The following CNTLN variants were observed in gnomAD, a reference collection of about 807,000 sequenced individuals.
The protein encoded by CNTLN is centlein, also known as centlein, centrosomal protein.
In CNTLN, 212 loss-of-function variants were observed where a neutral mutation model predicts 180.0. That is an observed-to-expected ratio of 1.18 (90% CI 1.05 to 1.32). The LOEUF (loss-of-function observed/expected upper bound fraction) is 1.32. Among genes scored for constraint, CNTLN ranks in the 40% most tolerant of loss-of-function variants. The pLI, the probability that CNTLN is intolerant of heterozygous loss-of-function variation, is 0.00. For synonymous variants in CNTLN, 722 were observed against 563.1 expected (o/e 1.28, Z -3.99); for missense variants, 2,095 against 1,610.9 (o/e 1.30, Z -5.14).
intron 18 of CNTLN, among the ~76,000 whole-genome samples, chr9:17,454,498 A>C (rs908468345): frequency 2.0e-5 from 3 of 152,220 alleles, no homozygotes; most frequent in Non-Finnish European, 4.4e-5. Flanking sequence ...ACTATGACTT[A>C]AGACGAGCTA....
intron 6 of CNTLN, among the ~76,000 whole-genome samples, chr9:17,285,412 C>A (rs1828923325): frequency 6.7e-6 from 1 of 148,712 alleles, no homozygotes; most frequent in Non-Finnish European, 1.5e-5. Context: ...CATTGTTGGA[C>A]ATTTGGGTTG....
chr9:17,308,002 A>ACG (rs1478984710), intron 7 of CNTLN, among the ~76,000 whole-genome samples: 1 of 151,572 alleles, frequency 6.6e-6, no homozygotes, highest in African/African-American at 2.4e-5. Flanking sequence ...ACACACACAC[A>ACG]CACACACACA....
chr9:17,171,367 C>A (rs1161056358), intron 2 of CNTLN, among the ~76,000 whole-genome samples: 3 of 151,854 alleles, frequency 2.0e-5, no homozygotes, highest in East Asian at 3.9e-4. Context: ...GATGAGGTGC[C>A]ATGGTTCCAA....
At chr9:17,285,024 T>G (rs948468078) in intron 6 of CNTLN, among the ~76,000 whole-genome samples, 1 of 151,760 alleles carries the variant, frequency 6.6e-6, no homozygotes, top group Non-Finnish European at 1.5e-5. Flanking sequence ...TTAATTATAC[T>G]TTAAGTTTTA....
intron 7 of CNTLN, among the ~76,000 whole-genome samples, chr9:17,308,732 A>G (rs1171749598): frequency 6.6e-6 from 1 of 151,810 alleles, no homozygotes; most frequent in Non-Finnish European, 1.5e-5. Context: ...TGATTAATAC[A>G]GCTAGCTTAA....
At chr9:17,293,147 C>T (rs146343250) in intron 6 of CNTLN, among the ~76,000 whole-genome samples, 3 of 152,210 alleles carry the variant, frequency 2.0e-5, no homozygotes, top group African/African-American at 7.2e-5. Context: ...GCTACTTCCT[C>T]TGGCTGGGAT....
chr9:17,398,260 T>C (rs369292855), intron 15 of CNTLN, among the ~76,000 whole-genome samples: 5 of 152,178 alleles, frequency 3.3e-5, no homozygotes, highest in Admixed American at 6.6e-5. Context: ...CTCGTTGCCT[T>C]ATGCTAGAAG....
chr9:17,439,739 AATTAGTTAGGGTTAC>A (rs1829996723), intron 18 of CNTLN, among the ~76,000 whole-genome samples: 1 of 152,174 alleles, frequency 6.6e-6, no homozygotes, highest in Non-Finnish European at 1.5e-5. Flanking sequence ...AGCCTTTGAG[AATTAGTTAGGGTTAC>A]ATTAGTTCAT....
intron 6 of CNTLN, among the ~76,000 whole-genome samples, chr9:17,291,633 C>CT (rs1207869204): frequency 6.6e-6 from 1 of 152,122 alleles, no homozygotes; most frequent in Admixed American, 6.5e-5. Context: ...GCAGCCCCTG[C>CT]TTTTTTCTGC....
intron 18 of CNTLN, among the ~76,000 whole-genome samples, chr9:17,451,641 C>T (rs904574847): frequency 3.3e-5 from 5 of 152,134 alleles, no homozygotes; most frequent in Non-Finnish European, 5.9e-5. Flanking sequence ...AGCGTCTCAC[C>T]GTTGCTCCAG....
chr9:17,315,306 A>G (rs914284263), intron 8 of CNTLN, among the ~76,000 whole-genome samples: 16 of 152,220 alleles, frequency 1.1e-4, no homozygotes, highest in African/African-American at 3.8e-4. Flanking sequence ...TAAAGATGAT[A>G]TATGTTGTTT....
intron 12 of CNTLN, among the ~76,000 whole-genome samples, chr9:17,345,779 A>T (rs558626366): frequency 6.6e-6 from 1 of 152,108 alleles, no homozygotes; most frequent in African/African-American, 2.4e-5. Flanking sequence ...ACCACAAAAC[A>T]TGGGTCGTCT....
chr9:17,270,652 C>T (rs984132090), intron 5 of CNTLN, among the ~76,000 whole-genome samples: 1 of 152,066 alleles, frequency 6.6e-6, no homozygotes, highest in Non-Finnish European at 1.5e-5. Context: ...ATGTTTCTCA[C>T]AAGATGGGGG....
chr9:17,228,152 C>T (rs925703059), intron 3 of CNTLN, among the ~76,000 whole-genome samples: 4 of 152,058 alleles, frequency 2.6e-5, no homozygotes, highest in Admixed American at 1.3e-4. Flanking sequence ...GTTTGCAATG[C>T]TTTAGTGAAT....
intron 3 of CNTLN, among the ~76,000 whole-genome samples, chr9:17,230,802 C>T (rs945289852): frequency 2.0e-5 from 3 of 151,976 alleles, no homozygotes; most frequent in Non-Finnish European, 1.5e-5. Flanking sequence ...AATGTGTCAC[C>T]TCTTATTGTT....
At chr9:17,354,616 T>A (rs1177264558) in intron 12 of CNTLN, among the ~76,000 whole-genome samples, 1 of 152,064 alleles carries the variant, frequency 6.6e-6, no homozygotes, top group Non-Finnish European at 1.5e-5. Flanking sequence ...CTAACTAATC[T>A]GATGGGGACG....
Position 17,236,491 on chromosome 9 carries a change from G to A in CNTLN, c.752G>A (p.Ser251Asn), listed in dbSNP as rs762556408. 31 of 1,613,506 alleles carry A rather than the reference G, an allele frequency of 1.9e-5. No individual in the cohort carries two copies. Among genetic ancestry groups the A allele is most frequent in the Admixed American group, 5.0e-5 (3 of 59,932 alleles). Reference sequence around the variant, plus strand: ...CTGGAGGAGGAAAACAAGAAATTAAGTACCCGCTGCACTGACCTGCTAAAT... The same window carrying A: ...CTGGAGGAGGAAAACAAGAAATTAAATACCCGCTGCACTGACCTGCTAAAT... ...KNLEEENKKL[S>N]TRCTDLLNDL... is the part of the protein sequence containing the mutation. The change falls in exon 5 of 26, where the codon AGT becomes AAT. Residue 251 changes from serine to asparagine, a missense_variant. Physicochemically the swap from Ser to Asn is conservative, Grantham distance 46. Coordinates refer to ENST00000380647, the MANE Select transcript of CNTLN (RefSeq NM_017738.4).
At chr9:17,200,446 T>C (rs898393178) in intron 2 of CNTLN, among the ~76,000 whole-genome samples, 2 of 152,222 alleles carry the variant, frequency 1.3e-5, no homozygotes, top group Non-Finnish European at 2.9e-5. Flanking sequence ...ATTTTTACGA[T>C]ATTGATTCTT....
At chr9:17,359,101 C>G (rs1353494851) in intron 12 of CNTLN, among the ~76,000 whole-genome samples, 1 of 151,846 alleles carries the variant, frequency 6.6e-6, no homozygotes, top group East Asian at 1.9e-4. Flanking sequence ...TTGCTGCAGC[C>G]TCAACTTCCT....
Sources: gnomAD v4.1 joint callset for allele counts (sites outside exome capture counted in the v4.1 genomes callset) on GRCh38, gnomAD v4.1.1 for gene constraint, MANE v1.5 for transcripts, NCBI Gene and HGNC (gene_info 2026-07-23, HGNC 2026-07-21) for gene names.